The following CCDC15 variants were observed in gnomAD, a reference collection of about 807,000 sequenced individuals.
CCDC15 encodes the protein coiled-coil domain-containing protein 15.
Under a neutral mutation model 114.5 loss-of-function variants are expected in CCDC15, and 105 were observed. The ratio of observed to expected loss-of-function variants is 0.92; its 90% CI spans 0.78 to 1.08. The LOEUF (loss-of-function observed/expected upper bound fraction) is 1.08. Among genes scored for constraint, CCDC15 ranks in the 50% least tolerant of loss-of-function variants. The probability of loss-of-function intolerance (pLI) is 0.00; values close to 1 mark genes in which losing one functional copy is unlikely to be tolerated. For synonymous variants in CCDC15, 334 were observed against 377.8 expected (o/e 0.88, Z 1.34); for missense variants, 1,105 against 1,093.6 (o/e 1.01, Z -0.15).
chr11:125,024,155 C>CTTG (rs1948680013), intron 13 of CCDC15, among the ~76,000 whole-genome samples: 1 of 151,810 alleles, frequency 6.6e-6, no homozygotes, highest in Non-Finnish European at 1.5e-5. Flanking sequence ...TGCATGTATT[C>CTTG]CCAGCTTTCT....
chr11:124,994,945 C>T (rs1158312379), intron 11 of CCDC15, among the ~76,000 whole-genome samples: 1 of 152,074 alleles, frequency 6.6e-6, no homozygotes, highest in Non-Finnish European at 1.5e-5. Flanking sequence ...TTTCTCTTGG[C>T]CTCTTTAAGA....
intron 13 of CCDC15, 33 bp downstream of exon 13, chr11:125,005,245 A>G (rs1235852565): frequency 1.1e-6 from 1 of 951,392 alleles, no homozygotes; most frequent in African/African-American, 1.7e-5. Context: ...TGAGCCTTAA[A>G]TTGCCAATTA....
intron 13 of CCDC15, among the ~76,000 whole-genome samples, chr11:125,011,248 A>ATTTTTTTT (rs71478462): frequency 4.1e-5 from 6 of 147,236 alleles, no homozygotes; most frequent in African/African-American, 1.5e-4. Context: ...TATTATTATT[A>ATTTTTTTT]TTTTTTAAGA....
chr11:125,006,021 A>G (rs1421787694), intron 13 of CCDC15, among the ~76,000 whole-genome samples: 1 of 152,196 alleles, frequency 6.6e-6, no homozygotes. Context: ...AAGCTACTTT[A>G]AAATCTATGT....
chr11:124,991,818 G>T (rs1403682128), intron 9 of CCDC15, among the ~76,000 whole-genome samples: 2 of 152,238 alleles, frequency 1.3e-5, no homozygotes, highest in East Asian at 3.9e-4. Context: ...CGAGTAGCTG[G>T]GATTACAGGC....
intron 11 of CCDC15, among the ~76,000 whole-genome samples, chr11:124,999,469 TA>T (rs1267844226): frequency 6.6e-6 from 1 of 152,138 alleles, no homozygotes; most frequent in Admixed American, 6.5e-5. Flanking sequence ...TTTTCAGTCT[TA>T]TTTTTTCTCT....
At chr11:124,974,897 A>G (rs1231978251) in intron 4 of CCDC15, among the ~76,000 whole-genome samples, 199 bp from the exon 5 acceptor site, 1 of 152,232 alleles carries the variant, frequency 6.6e-6, no homozygotes, top group Non-Finnish European at 1.5e-5. Flanking sequence ...ACCAAGTTAC[A>G]AAGTACAATC....
chr11:124,991,494 A>C lies in CCDC15; in HGVS notation c.1942A>C (p.Thr648Pro). The change falls in exon 9 of 16, where the codon ACA becomes CCA. Residue 648 changes from threonine to proline, a missense_variant. Transcript: ENST00000344762. Reference sequence around the variant, plus strand: ...CTTTAAGGAGCCATACTCTGATATGACAGATGAGAAAGGGAGAGAAGACTT... The same window carrying C: ...CTTTAAGGAGCCATACTCTGATATGCCAGATGAGAAAGGGAGAGAAGACTT... ...VHFKEPYSDM[T>P]DEKGREDFSL... 1 of 1,600,276 alleles carries C rather than the reference A, an allele frequency of 6.2e-7. No individual in the cohort carries two copies. Among genetic ancestry groups the C allele is most frequent in the Non-Finnish European group, 8.6e-7 (1 of 1,168,346 alleles).
Position 124,988,090 on chromosome 11 carries a change from A to G in CCDC15, c.1864A>G (p.Ile622Val). 6.2e-7 allele frequency: 1 copy of G among 1,613,774 alleles called. No individual in the cohort carries two copies. Among genetic ancestry groups the G allele is most frequent in the Non-Finnish European group, 8.5e-7 (1 of 1,179,824 alleles). ...GCATGTTCTCTCCAACGACCAGAATATTCTACCCAAATGTCAGGACCAAGA... is the reference window on the plus strand; with the variant it reads ...GCATGTTCTCTCCAACGACCAGAATGTTCTACCCAAATGTCAGGACCAAGA... The part of the protein sequence containing the change: ...DLHVLSNDQN[I>V]LPKCQDQDFL... The change falls in exon 8 of 16, where the codon ATT becomes GTT. Residue 622 changes from isoleucine to valine, a missense_variant. Coordinates refer to ENST00000344762, the MANE Select transcript of CCDC15 (RefSeq NM_025004.3).
At chr11:124,995,893 CA>C (rs1948359837) in intron 11 of CCDC15, among the ~76,000 whole-genome samples, 1 of 151,690 alleles carries the variant, frequency 6.6e-6, no homozygotes, top group South Asian at 2.1e-4. Context: ...TGCAGTTGCG[CA>C]ATCTCAGCTC....
rs751568870 is a variant in CCDC15, at chr11:124,991,469, C to T, written c.1917C>T (p.His639=). Residue 639 remains histidine, a synonymous_variant, in exon 9 of 16, where the codon CAC becomes CAT. Coordinates refer to ENST00000344762, the MANE Select transcript of CCDC15 (RefSeq NM_025004.3). The part of the protein sequence containing the change: ...QDFLPKYQKV[H]FKEPYSDMTD... Reference sequence around the variant, plus strand: ...ATTATTTTATCTTTTAGAAAGTACACTTTAAGGAGCCATACTCTGATATGA... The same window carrying T: ...ATTATTTTATCTTTTAGAAAGTACATTTTAAGGAGCCATACTCTGATATGA... The T allele has an allele frequency of 1.9e-6, 3 of 1,557,248 alleles. No homozygotes were observed. Among genetic ancestry groups the T allele is most frequent in the South Asian group, 1.2e-5 (1 of 83,766 alleles).
chr11:125,004,904 A>G (rs776102009), intron 12 of CCDC15, among the ~76,000 whole-genome samples: 2 of 152,128 alleles, frequency 1.3e-5, no homozygotes, highest in Non-Finnish European at 2.9e-5. Context: ...TATAATAGCC[A>G]TGTGCTTGAA....
chr11:125,004,082 A>G (rs1428139740), intron 12 of CCDC15, 123 bp downstream of exon 12: 1 of 480,670 alleles, frequency 2.1e-6, no homozygotes, highest in African/African-American at 2.0e-5. Flanking sequence ...AATTTCATAA[A>G]TCAAATAAAA....
At position 124,959,205 on chromosome 11, in the gene CCDC15, C is replaced by T. The variant is rs755396322; in HGVS notation, c.268C>T (p.Arg90Ter). The change falls in exon 3 of 16, where the codon CGA (arginine) becomes TGA (stop). Residue 90 changes from arginine to a stop codon, truncating the protein, a stop_gained. Transcript: ENST00000344762. LOFTEE classifies it high-confidence loss of function. Reference sequence around the variant, plus strand: ...ACATTTTCAGAAACAAGTTAAATACCGAGTAAATCAACAAATTAGGTTGAG... The same window carrying T: ...ACATTTTCAGAAACAAGTTAAATACTGAGTAAATCAACAAATTAGGTTGAG... ...LKHFQKQVKY[R>*]VNQQIRLRKK... 2.3e-5 allele frequency: 37 copies of T among 1,584,878 alleles called. No homozygotes were observed. Among genetic ancestry groups the T allele is most frequent in the Non-Finnish European group, 2.7e-5 (32 of 1,168,736 alleles).
intron 11 of CCDC15, among the ~76,000 whole-genome samples, chr11:125,001,085 AATAG>A (rs1231120430): frequency 1.3e-5 from 2 of 152,246 alleles, no homozygotes; most frequent in Non-Finnish European, 2.9e-5. Context: ...GCTTAGTAAT[AATAG>A]ATAGTACTTC....
At chr11:125,003,209 A>C (rs1407460065) in intron 11 of CCDC15, among the ~76,000 whole-genome samples, 1 of 152,022 alleles carries the variant, frequency 6.6e-6, no homozygotes, top group African/African-American at 2.4e-5. Context: ...CAAATATAGA[A>C]ATACAATTGA....
chr11:125,000,352 G>C (rs1322497690), intron 11 of CCDC15, among the ~76,000 whole-genome samples: 1 of 152,074 alleles, frequency 6.6e-6, no homozygotes, highest in African/African-American at 2.4e-5. Context: ...TACTCCTATA[G>C]GTCTGTCCCA....
chr11:124,954,768 T>C lies in CCDC15; in HGVS notation c.36T>C (p.Asn12=). The C allele has an allele frequency of 6.2e-7, 1 of 1,613,936 alleles. No homozygotes were observed. The highest frequency in any genetic ancestry group is 8.5e-7 in the Non-Finnish European group (1 of 1,179,866). Residue 12 remains asparagine (N), a synonymous_variant, in exon 2 of 16, where the codon AAT becomes AAC. Coordinates refer to ENST00000344762, the MANE Select transcript of CCDC15 (RefSeq NM_025004.3). Reference sequence around the variant, plus strand: ...GTATGGCCCGAAAGAAACCTCGAAATACCTCAAGGTTGCCCCTGGCTTTAA... The same window carrying C: ...GTATGGCCCGAAAGAAACCTCGAAACACCTCAAGGTTGCCCCTGGCTTTAA... ...LGSMARKKPR[N]TSRLPLALNP...
chr11:125,017,272 A>C (rs1948634734), intron 13 of CCDC15, among the ~76,000 whole-genome samples: 1 of 152,178 alleles, frequency 6.6e-6, no homozygotes, highest in Admixed American at 6.5e-5. Context: ...GGTATGCAAG[A>C]AATGAAAAAA....
Sources: gnomAD v4.1 joint callset for allele counts (sites outside exome capture counted in the v4.1 genomes callset) on GRCh38, gnomAD v4.1.1 for gene constraint, MANE v1.5 for transcripts, NCBI Gene and HGNC (gene_info 2026-07-23, HGNC 2026-07-21) for gene names.